The following MRPL48 variants were observed in gnomAD, a reference collection of about 807,000 sequenced individuals.
The protein encoded by MRPL48 is mitochondrial ribosomal protein L48.
A neutral mutation model predicts 32.9 loss-of-function variants in MRPL48; 16 were observed. The ratio of observed to expected loss-of-function variants is 0.49; its 90% CI spans 0.33 to 0.74. MRPL48 has a LOEUF of 0.74. Among genes scored for constraint, MRPL48 ranks in the 30% least tolerant of loss-of-function variants. The probability of loss-of-function intolerance (pLI) is 0.02; values close to 1 mark genes in which losing one functional copy is unlikely to be tolerated. For synonymous variants in MRPL48, 94 were observed against 89.2 expected (o/e 1.05, Z -0.31); for missense variants, 206 against 245.3 (o/e 0.84, Z 1.07).
chr11:73,841,932 A>C (rs1948192429), intron 4 of MRPL48, among the ~76,000 whole-genome samples: 1 of 150,724 alleles, frequency 6.6e-6, no homozygotes, highest in African/African-American at 2.4e-5. Context: ...CAATGATACT[A>C]GTTTTTGGGG....
At chr11:73,848,794 G>A (rs2135062769) in intron 5 of MRPL48, among the ~76,000 whole-genome samples, 1 of 151,806 alleles carries the variant, frequency 6.6e-6, no homozygotes, top group East Asian at 1.9e-4. Context: ...TAAATCCCAT[G>A]GGTAGAAATT....
At chr11:73,821,265 G>A (rs2135000677) in intron 3 of MRPL48, among the ~76,000 whole-genome samples, 1 of 152,222 alleles carries the variant, frequency 6.6e-6, no homozygotes, top group South Asian at 2.1e-4. Flanking sequence ...AAAGTGCAGA[G>A]ATTACAGGCA....
chr11:73,864,498 A>G lies in MRPL48; in HGVS notation c.*128A>G. 1.1e-6 allele frequency: 1 copy of G among 874,470 alleles called. No homozygotes were observed. The highest frequency in any genetic ancestry group is 1.8e-6 in the Non-Finnish European group (1 of 547,610). 54.2% of individuals were successfully genotyped at this position (874,470 alleles called of 1,614,324 possible). A position where few individuals can be genotyped will look rare whatever the true frequency, so the allele number is the denominator to read the frequency against. Reference sequence around the variant, plus strand: ...ATAAGTACCCATTCCCATAGCCAGTAATGTCCTCACTCCTCTGTGGCTTGG... The same window carrying G: ...ATAAGTACCCATTCCCATAGCCAGTGATGTCCTCACTCCTCTGTGGCTTGG... On this transcript the variant is annotated 3_prime_UTR_variant, in exon 8 of 8. Transcript: ENST00000310614.
chr11:73,822,913 A>G, intron 3 of MRPL48: 1 of 417,218 alleles, frequency 2.4e-6, no homozygotes, highest in South Asian at 1.7e-5. Context: ...AGGAGCATGA[A>G]CTCTTTTGTG....
intron 5 of MRPL48, among the ~76,000 whole-genome samples, chr11:73,846,642 A>T (rs889937588): frequency 2.0e-5 from 3 of 150,772 alleles, no homozygotes; most frequent in Admixed American, 1.3e-4. Flanking sequence ...TACAGGAGTG[A>T]ACCACTGTGC....
At chr11:73,852,440 C>G (rs7946245) in intron 5 of MRPL48, among the ~76,000 whole-genome samples, 8,538 of 139,596 alleles carry the variant, frequency 0.061, 273 homozygotes, top group Middle Eastern at 0.12. Flanking sequence ...ATTTAAAAAT[C>G]GACAAAAGAT....
intron 4 of MRPL48, among the ~76,000 whole-genome samples, chr11:73,832,171 G>A (rs959066575): frequency 3.3e-5 from 5 of 152,036 alleles, no homozygotes; most frequent in Admixed American, 1.3e-4. Flanking sequence ...TCATTTCCAG[G>A]CCTTGGAGCA....
chr11:73,795,610 C>T (rs553214637), intron 1 of MRPL48, among the ~76,000 whole-genome samples: 1 of 151,870 alleles, frequency 6.6e-6, no homozygotes, highest in South Asian at 2.1e-4. Flanking sequence ...GGGTTCACAC[C>T]ATTCTCTTGC....
At chr11:73,799,300 C>T (rs995498127) in intron 1 of MRPL48, among the ~76,000 whole-genome samples, 21 of 152,068 alleles carry the variant, frequency 1.4e-4, no homozygotes, top group African/African-American at 5.1e-4. Flanking sequence ...TGCAGTGAGC[C>T]ATGGTGATGC....
intron 6 of MRPL48, 46 bp downstream of exon 6, chr11:73,860,055 C>T (rs1170240617): frequency 3.4e-6 from 5 of 1,480,462 alleles, no homozygotes; most frequent in Admixed American, 1.9e-5. Context: ...TCTCCTGGTT[C>T]TTTTCTCTGT....
At chr11:73,839,913 C>G (rs1475398627) in intron 4 of MRPL48, among the ~76,000 whole-genome samples, 1 of 152,012 alleles carries the variant, frequency 6.6e-6, no homozygotes, top group Admixed American at 6.6e-5. Flanking sequence ...GCCTGGGCAA[C>G]AGAGTGAGAC....
At chr11:73,850,648 T>TG (rs963737135) in intron 5 of MRPL48, 1 of 311,768 alleles carries the variant, frequency 3.2e-6, no homozygotes, top group African/African-American at 2.3e-5. Context: ...CTTGGAGGTT[T>TG]TTTACTACTT....
At chr11:73,823,654 GTTTTTTTTTTTT>G (rs57616234) in intron 3 of MRPL48, among the ~76,000 whole-genome samples, 2 of 105,686 alleles carry the variant, frequency 1.9e-5, no homozygotes, top group Admixed American at 2.1e-4. Context: ...TTTCTTTTCT[GTTTTTTTTTTTT>G]TTTTTTTTTA....
At chr11:73,843,779 A>C (rs1431789987) in intron 4 of MRPL48, among the ~76,000 whole-genome samples, 1 of 152,034 alleles carries the variant, frequency 6.6e-6, no homozygotes, top group South Asian at 2.1e-4. Flanking sequence ...AAAATTTTGC[A>C]TATAAATTTT....
At chr11:73,859,820 A>G (rs919179130) in intron 5 of MRPL48, 87 bp from the exon 6 acceptor site, 1 of 1,093,522 alleles carries the variant, frequency 9.1e-7, no homozygotes, top group African/African-American at 1.5e-5. Context: ...ATTGCATGCC[A>G]TAGTGGCTAT....
intron 2 of MRPL48, among the ~76,000 whole-genome samples, chr11:73,807,631 C>CTTTT (rs777408873): frequency 3.1e-4 from 33 of 106,820 alleles, no homozygotes; most frequent in East Asian, 1.2e-3. Context: ...GTATTATTAT[C>CTTTT]TTTTTTTTTT....
At position 73,844,898 on chromosome 11, in the gene MRPL48, A is replaced by G. The variant is rs760364568; in HGVS notation, c.293A>G (p.Tyr98Cys). Residue 98 changes from tyrosine (Y) to cysteine (C), a missense_variant, in exon 5 of 8, where the codon TAT (tyrosine) becomes TGT (cysteine). By Grantham distance (194) the Tyr-to-Cys change is radical (BLOSUM62 -2). Coordinates refer to ENST00000310614, the MANE Select transcript of MRPL48 (RefSeq NM_016055.6). ...YGVLNIHLTA[Y>C]DMTLAESYAQ... ...GTTTTAAATATTCATCTGACTGCAT[A>G]TGATATGACCCTGGCAGAGAGTTAT... 5 of 1,613,866 alleles carry G rather than the reference A, an allele frequency of 3.1e-6. No individual in the cohort carries two copies. The South Asian group carries it at 5.5e-5, about 18-fold the overall frequency.
chr11:73,843,467 A>C (rs1412227100), intron 4 of MRPL48: 16 of 151,808 alleles, frequency 1.1e-4, no homozygotes, highest in African/African-American at 3.4e-4. Context: ...CTCGTGATCC[A>C]TCCAACTCAG....
chr11:73,852,886 A>T (rs139872037), intron 5 of MRPL48, among the ~76,000 whole-genome samples: 1 of 152,240 alleles, frequency 6.6e-6, no homozygotes, highest in East Asian at 1.9e-4. Flanking sequence ...GAAAATGTAC[A>T]TGTATACAAT....
Sources: allele counts gnomAD v4.1 joint callset (sites outside exome capture counted in the v4.1 genomes callset), GRCh38; gene constraint gnomAD v4.1.1; transcripts MANE v1.5; gene names NCBI Gene and HGNC (gene_info 2026-07-23, HGNC 2026-07-21).